The following SIN3A variants were observed in gnomAD, a reference collection of about 807,000 sequenced individuals.
SIN3A encodes the protein paired amphipathic helix protein Sin3a.
Under a neutral mutation model 146.1 loss-of-function variants are expected in SIN3A, and 14 were observed. The ratio of observed to expected loss-of-function variants is 0.10; its 90% CI spans 0.06 to 0.15. The LOEUF is 0.15. Ranked by LOEUF, SIN3A falls within the 10% of genes least tolerant of loss-of-function variation. The probability of loss-of-function intolerance (pLI) is 1.00; values close to 1 mark genes in which losing one functional copy is unlikely to be tolerated. For missense variants in SIN3A, 1,028 were observed against 1,576.0 expected (o/e 0.65, Z 5.89); for synonymous variants, 572 against 572.0 (o/e 1.00, Z 0.00).
At chr15:75,445,554 G>A (rs2074292087) in intron 1 of SIN3A, among the ~76,000 whole-genome samples, 1 of 150,926 alleles carries the variant, frequency 6.6e-6, no homozygotes, top group Non-Finnish European at 1.5e-5. Flanking sequence ...CTGGGAGACA[G>A]AGCAAAACTC....
At chr15:75,378,299 T>C in intron 19 of SIN3A, among the ~76,000 whole-genome samples, 1 of 152,226 alleles carries the variant, frequency 6.6e-6, no homozygotes. Flanking sequence ...GTGCAGTGGC[T>C]CACACCCGTA....
chr15:75,375,599 C>CT lies in SIN3A; in HGVS notation c.3591+65dup, dbSNP rs2072839840. The CT allele has an allele frequency of 4.7e-6, 6 of 1,279,544 alleles. No individual in the cohort carries two copies. The East Asian group carries it at 1.4e-4, about 30-fold the overall frequency. 79.3% of individuals were successfully genotyped at this position (1,279,544 alleles called of 1,614,324 possible). ...AACAAAGAAAAACAATCAGAAGACT[C>CT]TGGGCCTCCCCTGGTCCTAGCTAGG... On this transcript the variant is annotated intron_variant, in intron 20 of 20. Transcript: ENST00000394947.
intron 1 of SIN3A, among the ~76,000 whole-genome samples, chr15:75,439,853 T>TA (rs965718643): frequency 6.6e-6 from 1 of 151,732 alleles, no homozygotes; most frequent in Admixed American, 6.6e-5. Flanking sequence ...ATTAAATCTG[T>TA]AAAAATTAAA....
At chr15:75,420,310 GACAAAAA>G (rs977235949) in intron 3 of SIN3A, 1 of 149,514 alleles carries the variant, frequency 6.7e-6, no homozygotes, top group Non-Finnish European at 1.5e-5. Context: ...ATCTACCAAA[GACAAAAA>G]ACAAAAAAAA....
At chr15:75,453,765 G>A (rs937710859), upstream of SIN3A, 1 of 152,386 alleles carries the variant, frequency 6.6e-6, no homozygotes, top group Non-Finnish European at 1.5e-5. Context: ...TTTAGTACTT[G>A]GCCCCGGCCC....
intron 1 of SIN3A, among the ~76,000 whole-genome samples, chr15:75,442,981 AGT>A (rs1355950435): frequency 1.3e-5 from 2 of 151,548 alleles, no homozygotes; most frequent in African/African-American, 4.8e-5. Flanking sequence ...TCTAGGGTAC[AGT>A]CACATATGTA....
chr15:75,432,074 AT>A (rs1170784950), intron 1 of SIN3A, among the ~76,000 whole-genome samples: 4 of 152,230 alleles, frequency 2.6e-5, no homozygotes, highest in African/African-American at 4.8e-5. Flanking sequence ...ATAATTTAAA[AT>A]GTCTTAGCTA....
chr15:75,448,519 A>G (rs1396159915), intron 1 of SIN3A, among the ~76,000 whole-genome samples: 1 of 151,786 alleles, frequency 6.6e-6, no homozygotes, highest in East Asian at 1.9e-4. Context: ...TCTAGTGCCT[A>G]ACACAGTATC....
chr15:75,397,095 G>A (rs149597776), intron 12 of SIN3A, among the ~76,000 whole-genome samples: 90 of 152,256 alleles, frequency 5.9e-4, no homozygotes, highest in African/African-American at 2.1e-3. Flanking sequence ...TTGTAGCTGC[G>A]GGTAACCATT....
At chr15:75,446,725 C>CA (rs1296796295) in intron 1 of SIN3A, among the ~76,000 whole-genome samples, 2 of 152,008 alleles carry the variant, frequency 1.3e-5, no homozygotes, top group Admixed American at 6.6e-5. Context: ...CTCCTGGACT[C>CA]AAACGATCCT....
chr15:75,389,303 GAA>G (rs11300642), intron 16 of SIN3A, among the ~76,000 whole-genome samples: 26 of 144,722 alleles, frequency 1.8e-4, no homozygotes, highest in African/African-American at 3.0e-4. Context: ...TCTATTTAAG[GAA>G]AAAAAAAAAA....
At chr15:75,381,478 C>T (rs910938347) in intron 18 of SIN3A, 135 bp downstream of exon 18, 3 of 659,442 alleles carry the variant, frequency 4.5e-6, no homozygotes, top group East Asian at 5.2e-5. Context: ...TTGACTTGTA[C>T]TTTAAGCATC....
chr15:75,386,973 T>C (rs1943751322), intron 16 of SIN3A, among the ~76,000 whole-genome samples: 2 of 152,098 alleles, frequency 1.3e-5, no homozygotes, highest in Admixed American at 6.5e-5. Context: ...GCCCAGCTAA[T>C]TTTTTGTATT....
intron 17 of SIN3A, among the ~76,000 whole-genome samples, chr15:75,383,203 C>G (rs1335604917): frequency 6.7e-6 from 1 of 150,110 alleles, no homozygotes; most frequent in Non-Finnish European, 1.5e-5. Context: ...ACTCAGGAGG[C>G]AGAGGTTGCA....
At chr15:75,382,625 GTGT>G (rs1214565667) in intron 17 of SIN3A, among the ~76,000 whole-genome samples, 1 of 152,170 alleles carries the variant, frequency 6.6e-6, no homozygotes, top group Non-Finnish European at 1.5e-5. Context: ...AGACCCAGAA[GTGT>G]TGTTAATTGA....
In SIN3A at chr15:75,435,996, G is replaced by A. The variant is rs184344408; in HGVS notation, c.-33-5588C>T. Among the ~76,000 whole-genome samples, 61 of 151,056 alleles carry A rather than the reference G, an allele frequency of 4.0e-4. No homozygotes were observed. In the East Asian group the frequency reaches 8.8e-3, roughly 22 times the overall value. ...GAAACAATTAGCTGGAAGTGGTGGC[G>A]CACAACTATGGTACTAGCTACTCCA... is the stretch of plus-strand genomic sequence containing the variant. On this transcript the variant is annotated intron_variant, in intron 1 of 20. Transcript: ENST00000394947.
At chr15:75,395,243 C>G (rs2073280399) in intron 13 of SIN3A, among the ~76,000 whole-genome samples, 1 of 152,188 alleles carries the variant, frequency 6.6e-6, no homozygotes, top group Non-Finnish European at 1.5e-5. Flanking sequence ...GACAAGAGAA[C>G]TTGCACAGTT....
upstream of SIN3A, chr15:75,455,160 C>G (rs757150516): frequency 6.6e-6 from 1 of 151,798 alleles, no homozygotes; most frequent in African/African-American, 2.4e-5. Flanking sequence ...TCCAAGTTTG[C>G]GGGCAAAAAC....
At position 75,382,611 on chromosome 15, in the gene SIN3A, A is replaced by T. The variant is rs564207283; in HGVS notation, c.3196-906T>A. On this transcript the variant is annotated intron_variant, in intron 17 of 20. Transcript: ENST00000394947. ...ATATCAAATAGCCATAAAAAAGACA[A>T]TAAAGACCCAGAAGTGTTGTTAATT... Among the ~76,000 whole-genome samples, 875 of 152,376 alleles carry T rather than the reference A, an allele frequency of 5.7e-3. 3 individuals carry two copies. The highest frequency in any genetic ancestry group is 1.0e-2 in the Non-Finnish European group (680 of 68,044).
Sources: gnomAD v4.1 joint callset for allele counts (sites outside exome capture counted in the v4.1 genomes callset) on GRCh38, gnomAD v4.1.1 for gene constraint, MANE v1.5 for transcripts, NCBI Gene and HGNC (gene_info 2026-07-23, HGNC 2026-07-21) for gene names.